LPAR1: variants seen among roughly 807,000 people sequenced by gnomAD.
The protein encoded by LPAR1 is LPA receptor 1.
In LPAR1, 5 loss-of-function variants were observed where a neutral mutation model predicts 23.8. That is an observed-to-expected ratio of 0.21 (90% CI 0.11 to 0.44). LPAR1 has a LOEUF of 0.44. Among genes scored for constraint, LPAR1 ranks in the 20% least tolerant of loss-of-function variants. The pLI, the probability that LPAR1 is intolerant of heterozygous loss-of-function variation, is 0.99. For missense variants in LPAR1, 311 were observed against 482.8 expected, an observed-to-expected ratio of 0.64 and a Z score of 3.33; for synonymous variants, 160 against 164.7, an observed-to-expected ratio of 0.97 and a Z score of 0.22.
chr9:110,904,450 G>A (rs1024392398), intron 5 of LPAR1, among the ~76,000 whole-genome samples: 1 of 152,160 alleles, frequency 6.6e-6, no homozygotes, highest in African/African-American at 2.4e-5. Context: ...GTATTGTAAT[G>A]AGATAGCAAC....
intron 5 of LPAR1, among the ~76,000 whole-genome samples, chr9:110,911,847 G>T (rs2092479894): frequency 6.6e-6 from 1 of 152,114 alleles, no homozygotes; most frequent in Non-Finnish European, 1.5e-5. Flanking sequence ...AACCAAATCT[G>T]CAATATCTCC....
At chr9:110,890,651 G>A (rs1172181366) in intron 5 of LPAR1, among the ~76,000 whole-genome samples, 1 of 152,138 alleles carries the variant, frequency 6.6e-6, no homozygotes, top group Non-Finnish European at 1.5e-5. Context: ...TGTCCCTGGA[G>A]AATAGTCAGC....
At chr9:110,993,395 C>A (rs960123948) in intron 2 of LPAR1, among the ~76,000 whole-genome samples, 7 of 152,178 alleles carry the variant, frequency 4.6e-5, no homozygotes, top group Admixed American at 4.6e-4. Flanking sequence ...TTTTTCCTGG[C>A]TTTTATACCC....
intron 2 of LPAR1, among the ~76,000 whole-genome samples, chr9:111,034,953 C>T (rs1362463767): frequency 9.2e-5 from 14 of 152,212 alleles, no homozygotes; most frequent in Admixed American, 1.3e-4. Flanking sequence ...TTTATAAATT[C>T]GTCCCCTGAA....
chr9:110,920,759 G>A (rs911288421), intron 5 of LPAR1, among the ~76,000 whole-genome samples: 6 of 152,086 alleles, frequency 3.9e-5, no homozygotes, highest in Non-Finnish European at 7.3e-5. Context: ...AACACTATCT[G>A]CACTATCATA....
intron 5 of LPAR1, among the ~76,000 whole-genome samples, chr9:110,877,508 A>G (rs1164472605): frequency 4.6e-5 from 7 of 152,194 alleles, no homozygotes; most frequent in Admixed American, 1.3e-4. Context: ...ATCACTCAGA[A>G]AGCTAAACAT....
intron 5 of LPAR1, among the ~76,000 whole-genome samples, chr9:110,909,727 A>ATTT (rs1319533732): frequency 2.1e-5 from 3 of 143,658 alleles, no homozygotes; most frequent in East Asian, 2.3e-4. Context: ...TTATTAAATA[A>ATTT]AGTATTTATT....
chr9:110,933,048 G>A (rs554894458), intron 5 of LPAR1, among the ~76,000 whole-genome samples: 2 of 152,198 alleles, frequency 1.3e-5, no homozygotes, highest in Non-Finnish European at 2.9e-5. Flanking sequence ...ACTCTGAAGA[G>A]TCAGCAGATC....
intron 5 of LPAR1, 41 bp from the exon 6 acceptor site, chr9:110,875,763 G>A (rs1376240282): frequency 1.7e-6 from 2 of 1,151,514 alleles, no homozygotes; most frequent in Non-Finnish European, 1.2e-6. Flanking sequence ...TTTTTAAAAA[G>A]AGAATGAAAA....
rs1421600306 is a variant in LPAR1, at chr9:110,957,347, A to ATAAT, written c.45+14725_45+14726insATTA. Among the ~76,000 whole-genome samples, 80 of 137,014 alleles carry ATAAT rather than the reference A, an allele frequency of 5.8e-4. No homozygotes were observed. The East Asian group carries it at 9.7e-3, about 17-fold the overall frequency. 89.9% of individuals were successfully genotyped at this position (137,014 alleles called of 152,430 possible). A position where few individuals can be genotyped will look rare whatever the true frequency, so the allele number is the denominator to read the frequency against. On this transcript the variant is annotated intron_variant, in intron 4 of 5. Transcript: ENST00000683809. ...AGAGTGATACTCTGTCTCAAAAAAAAAAAAATAATAATAATAATAATAATG... is the reference window on the plus strand; with the variant it reads ...AGAGTGATACTCTGTCTCAAAAAAAATAATAAAAATAATAATAATAATAATAATG...
intron 2 of LPAR1, among the ~76,000 whole-genome samples, chr9:110,977,900 GAAGGA>G (rs2096593438): frequency 7.2e-6 from 1 of 138,402 alleles, no homozygotes; most frequent in African/African-American, 2.6e-5. Context: ...AGGAAGGAAG[GAAGGA>G]AGGAAAGAAG....
chr9:111,000,470 C>G (rs2097106909), intron 2 of LPAR1, among the ~76,000 whole-genome samples: 2 of 152,192 alleles, frequency 1.3e-5, no homozygotes, highest in Admixed American at 1.3e-4. Flanking sequence ...CAGAGGTAGT[C>G]ACCAGGATCA....
intron 5 of LPAR1, among the ~76,000 whole-genome samples, chr9:110,927,939 A>T (rs943240861): frequency 2.6e-5 from 4 of 152,158 alleles, no homozygotes; most frequent in Non-Finnish European, 5.9e-5. Flanking sequence ...TATATACTCT[A>T]GAAATGTCTT....
At chr9:111,020,413 G>A (rs80055611) in intron 2 of LPAR1, among the ~76,000 whole-genome samples, 1 of 152,164 alleles carries the variant, frequency 6.6e-6, no homozygotes, top group African/African-American at 2.4e-5. Flanking sequence ...AGGTCATGGT[G>A]ACTAAACCCC....
chr9:110,897,453 G>T (rs1318120164), intron 5 of LPAR1, among the ~76,000 whole-genome samples: 6 of 152,148 alleles, frequency 3.9e-5, no homozygotes, highest in Non-Finnish European at 5.9e-5. Flanking sequence ...TCAGTCTCGG[G>T]TATGTCTTTA....
chr9:111,021,889 G>A (rs115329675), intron 2 of LPAR1, among the ~76,000 whole-genome samples: 1,640 of 145,362 alleles, frequency 0.011, 29 homozygotes, highest in African/African-American at 0.039. Flanking sequence ...TGAACCACCC[G>A]GGAGGTGGAG....
chr9:110,965,982 G>A (rs2096205196), intron 4 of LPAR1, among the ~76,000 whole-genome samples: 1 of 152,124 alleles, frequency 6.6e-6, no homozygotes, highest in Non-Finnish European at 1.5e-5. Flanking sequence ...GTAGAGACAT[G>A]GATGAAGCTG....
chr9:110,952,577 A>G (rs1229764081), intron 4 of LPAR1, among the ~76,000 whole-genome samples: 1 of 152,176 alleles, frequency 6.6e-6, no homozygotes, highest in Admixed American at 6.5e-5. Flanking sequence ...TCTGCTGCCC[A>G]CGATAGCAGG....
chr9:111,031,437 G>GA (rs1199560853), intron 2 of LPAR1, among the ~76,000 whole-genome samples: 13 of 144,766 alleles, frequency 9.0e-5, no homozygotes, highest in East Asian at 2.0e-4. Flanking sequence ...AAAGAAAGAA[G>GA]AAGAAAGAAA....
Sources: gnomAD v4.1 joint callset for allele counts (sites outside exome capture counted in the v4.1 genomes callset) on GRCh38, gnomAD v4.1.1 for gene constraint, MANE v1.5 for transcripts, NCBI Gene and HGNC (gene_info 2026-07-23, HGNC 2026-07-21) for gene names.